The following SDK2 variants were observed in gnomAD, a reference collection of about 807,000 sequenced individuals.
SDK2 encodes protein sidekick-2.
In SDK2, 105 loss-of-function variants were observed where a neutral mutation model predicts 253.9. That is an observed-to-expected ratio of 0.41 (90% CI 0.35 to 0.49). SDK2 has a LOEUF of 0.49. SDK2 is among the 20% of genes least tolerant of loss of function. SDK2 has a pLI of 0.06. For missense variants in SDK2, 2,608 were observed against 3,003.0 expected (o/e 0.87, Z 3.07); for synonymous variants, 1,249 against 1,234.9 (o/e 1.01, Z -0.24).
intron 1 of SDK2, chr17:73,517,043 TCA>T (rs1349027035): frequency 6.6e-6 from 1 of 151,666 alleles, no homozygotes; most frequent in Non-Finnish European, 1.5e-5. Context: ...GCCAAAAAAG[TCA>T]CAGAGAAAAG....
intron 1 of SDK2, among the ~76,000 whole-genome samples, chr17:73,593,359 TC>T (rs1331644919): frequency 1.3e-5 from 2 of 152,178 alleles, no homozygotes; most frequent in Non-Finnish European, 1.5e-5. Context: ...CAGCACCCAC[TC>T]CCTATCCTGG....
intron 1 of SDK2, among the ~76,000 whole-genome samples, chr17:73,562,779 G>A (rs2045256407): frequency 1.3e-5 from 2 of 152,188 alleles, no homozygotes; most frequent in South Asian, 2.1e-4. Flanking sequence ...AAGGCGCCAC[G>A]GGCTGCTGGA....
chr17:73,436,874 G>T (rs2063374053), intron 8 of SDK2, among the ~76,000 whole-genome samples: 1 of 151,998 alleles, frequency 6.6e-6, no homozygotes, highest in Admixed American at 6.6e-5. Context: ...ACAACCCATG[G>T]CATTTTAGAT....
Position 73,337,047 on chromosome 17 carries a change from ATGTG to A in SDK2, c.*1536_*1539del, listed in dbSNP as rs1162306143. The A allele has an allele frequency of 1.4e-5, 2 of 143,096 alleles. No homozygotes were observed. The highest frequency in any genetic ancestry group is 5.4e-5 in the African/African-American group (2 of 37,326). The allele number at this position is 143,096 out of a possible 1,614,324, so 8.9% of individuals were successfully genotyped here. A position where few individuals can be genotyped will look rare whatever the true frequency, so the allele number is the denominator to read the frequency against. ...GAACACTCCTTGGAGCAGATTGTGT[ATGTG>A]TATGTGTGTGTGTGTGTGTGTGTGT... On this transcript the variant is annotated 3_prime_UTR_variant, in exon 45 of 45. Coordinates refer to ENST00000392650, the MANE Select transcript of SDK2 (RefSeq NM_001144952.2).
At chr17:73,549,013 C>G (rs536023176) in intron 1 of SDK2, among the ~76,000 whole-genome samples, 1 of 152,246 alleles carries the variant, frequency 6.6e-6, no homozygotes, top group Non-Finnish European at 1.5e-5. Context: ...TGAAGAGACA[C>G]GTCAAGGACT....
chr17:73,380,719 G>T (rs2062823060), intron 34 of SDK2, among the ~76,000 whole-genome samples, 175 bp downstream of exon 34: 1 of 152,216 alleles, frequency 6.6e-6, no homozygotes, highest in African/African-American at 2.4e-5. Flanking sequence ...CCTGTCATCG[G>T]CCTACTTTTC....
intron 3 of SDK2, among the ~76,000 whole-genome samples, chr17:73,461,988 A>G (rs1292486386): frequency 4.8e-5 from 7 of 145,880 alleles, no homozygotes. Flanking sequence ...GCATGTATGC[A>G]TGTGTCATGG....
chr17:73,543,847 G>A (rs939638417), intron 1 of SDK2, among the ~76,000 whole-genome samples: 3 of 152,236 alleles, frequency 2.0e-5, no homozygotes, highest in African/African-American at 7.2e-5. Context: ...AGTGTGAACT[G>A]AGTGCCTCCT....
rs532294610 is a variant in SDK2 at position 73,606,446 on chromosome 17, G to A, written c.64+37579C>T. 7.9e-5 allele frequency among the ~76,000 whole-genome samples: 12 copies of A among 152,262 alleles called. No individual in the cohort carries two copies. In the South Asian group the frequency reaches 1.0e-3, roughly 13 times the overall value. ...TAAATGCTGGAAGGGGCTTTCAGGA[G>A]GTAAGAAAACAACATCAGCTGCCAC... is the stretch of plus-strand genomic sequence containing the variant. On this transcript the variant is annotated intron_variant, in intron 1 of 44. Transcript: ENST00000392650.
chr17:73,411,994 A>ATC (rs1407872998), intron 18 of SDK2, among the ~76,000 whole-genome samples: 2 of 131,282 alleles, frequency 1.5e-5, no homozygotes, highest in African/African-American at 6.4e-5. Flanking sequence ...ACGTATATAT[A>ATC]TACACACATA....
rs535759570 is a variant in SDK2 at position 73,629,359 on chromosome 17, C to G, written c.64+14666G>C. Among the ~76,000 whole-genome samples, 6 of 152,284 alleles carry G rather than the reference C, an allele frequency of 3.9e-5. No individual in the cohort carries two copies. The highest frequency in any genetic ancestry group is 2.0e-4 in the Admixed American group (3 of 15,300). ...CACCGTGGTTTAAGCTGCTGTTTCC[C>G]TCCTGACGCTTGCATAGCTTCTATG... On this transcript the variant is annotated intron_variant, in intron 1 of 44. Coordinates refer to ENST00000392650, the MANE Select transcript of SDK2 (RefSeq NM_001144952.2). The surrounding 1 kb of genome is among the most constrained non-coding windows in gnomAD (Gnocchi z 5.0).
chr17:73,344,877 C>T (rs2062469328), intron 44 of SDK2, among the ~76,000 whole-genome samples: 2 of 152,336 alleles, frequency 1.3e-5, no homozygotes, highest in East Asian at 1.9e-4. Context: ...CAAACCTGCA[C>T]GCTTCCCTTC....
Position 73,642,281 on chromosome 17 carries a change from A to G in SDK2, c.64+1744T>C, listed in dbSNP as rs1459860900. Among the ~76,000 whole-genome samples the G allele has an allele frequency of 6.6e-6, 1 of 152,198 alleles. No homozygotes were observed. The highest frequency in any genetic ancestry group is 1.5e-5 in the Non-Finnish European group (1 of 68,026). On this transcript the variant is annotated intron_variant, in intron 1 of 44. Coordinates refer to ENST00000392650, the MANE Select transcript of SDK2 (RefSeq NM_001144952.2). This position sits in a 1 kb window ranked among gnomAD's most constrained non-coding sequence, Gnocchi z 4.7. ...CTATAAGGGCCTGGTCCTAGATGAG[A>G]CAAGAATTGGTGAGCCACCTGCCCA...
At chr17:73,374,910 C>G (rs955797133) in intron 36 of SDK2, among the ~76,000 whole-genome samples, 1 of 152,170 alleles carries the variant, frequency 6.6e-6, no homozygotes, top group Non-Finnish European at 1.5e-5. Flanking sequence ...TGGGCTTTCC[C>G]CATTTCAGAC....
At chr17:73,390,964 C>T (rs545218502) in intron 28 of SDK2, among the ~76,000 whole-genome samples, 25 of 152,158 alleles carry the variant, frequency 1.6e-4, no homozygotes, top group Non-Finnish European at 3.1e-4. Context: ...GCACTGAGGC[C>T]GCAGAGGGGA....
At chr17:73,362,406 A>G (rs1007620935) in intron 38 of SDK2, among the ~76,000 whole-genome samples, 4 of 141,750 alleles carry the variant, frequency 2.8e-5, no homozygotes, top group Non-Finnish European at 6.1e-5. Flanking sequence ...ATCTGCCACA[A>G]TTTTTTTTTT....
At chr17:73,389,594 T>C (rs1319539449) in intron 29 of SDK2, among the ~76,000 whole-genome samples, 8 of 152,288 alleles carry the variant, frequency 5.3e-5, no homozygotes, top group African/African-American at 1.4e-4. Flanking sequence ...AGGCTTGCTT[T>C]TGGGGAGTCC....
At position 73,374,261 on chromosome 17, in the gene SDK2, T is replaced by C. The variant is rs141826623; in HGVS notation, c.4980+4916A>G. Among the ~76,000 whole-genome samples the C allele has an allele frequency of 2.3e-3, 328 of 144,846 alleles. 17 individuals carry two copies. Among genetic ancestry groups the C allele is most frequent in the Admixed American group, 4.2e-3 (61 of 14,414 alleles). On this transcript the variant is annotated intron_variant, in intron 36 of 44. Coordinates refer to ENST00000392650, the MANE Select transcript of SDK2 (RefSeq NM_001144952.2). ...ACATCTCTGGTTTGATCCTTCTCTC[T>C]TGAACTCCAGACATGCATCTCTGAC...
intron 1 of SDK2, among the ~76,000 whole-genome samples, chr17:73,585,995 G>A (rs937120878): frequency 6.6e-6 from 1 of 152,140 alleles, no homozygotes; most frequent in Non-Finnish European, 1.5e-5. Context: ...GACAAGAAAC[G>A]GACAGTTGGA....
Sources: gnomAD v4.1 joint callset for allele counts (sites outside exome capture counted in the v4.1 genomes callset) on GRCh38, gnomAD v4.1.1 for gene constraint, Gnocchi (gnomAD v3.1) non-coding constraint, MANE v1.5 for transcripts, NCBI Gene and HGNC (gene_info 2026-07-23, HGNC 2026-07-21) for gene names.